The following EML6 variants were observed in gnomAD, a reference collection of about 807,000 sequenced individuals.
EML6 encodes echinoderm microtubule-associated protein-like 6.
Under a neutral mutation model 240.1 loss-of-function variants are expected in EML6, and 154 were observed. The ratio of observed to expected loss-of-function variants is 0.64; its 90% confidence interval spans 0.56 to 0.73. The LOEUF (loss-of-function observed/expected upper bound fraction) is 0.73, where lower values mean the gene tolerates loss of function less well. Ranked by LOEUF, EML6 falls within the 30% of genes least tolerant of loss-of-function variation. EML6 has a pLI of 0.00. For synonymous variants in EML6, 1,148 were observed against 899.0 expected (o/e 1.28, Z -4.95); for missense variants, 2,964 against 2,474.6 (o/e 1.20, Z -4.20).
intron 6 of EML6, among the ~76,000 whole-genome samples, 185 bp from the exon 7 acceptor site, chr2:54,829,157 T>A (rs990303942): frequency 6.6e-6 from 1 of 152,224 alleles, no homozygotes; most frequent in Admixed American, 6.5e-5. Context: ...TATGATTTTT[T>A]AAATGTAGCT....
chr2:54,939,498 C>T (rs148948868), intron 28 of EML6, among the ~76,000 whole-genome samples: 13 of 152,312 alleles, frequency 8.5e-5, no homozygotes, highest in Admixed American at 1.3e-4. Flanking sequence ...TCCCCATGGA[C>T]GAGGACTCAT....
chr2:54,764,842 A>G (rs781730988), intron 2 of EML6, among the ~76,000 whole-genome samples: 1 of 152,038 alleles, frequency 6.6e-6, no homozygotes, highest in Non-Finnish European at 1.5e-5. Context: ...TTCCTATTTA[A>G]CCTCTTCTAT....
intron 3 of EML6, among the ~76,000 whole-genome samples, chr2:54,814,549 A>C (rs915936525): frequency 9.9e-5 from 15 of 151,706 alleles, no homozygotes; most frequent in African/African-American, 3.6e-4. Flanking sequence ...TGTCTCTCTC[A>C]CCCTGCGTGT....
At chr2:54,754,560 A>G (rs377474413) in intron 2 of EML6, among the ~76,000 whole-genome samples, 2 of 152,070 alleles carry the variant, frequency 1.3e-5, no homozygotes, top group African/African-American at 4.8e-5. Context: ...GATATATATG[A>G]GTTATTTATA....
rs377253510 is a variant in EML6, at chr2:54,910,939, G to A, written c.3410-15G>A. The A allele has an allele frequency of 8.2e-5, 118 of 1,434,526 alleles. No individual in the cohort carries two copies. Among genetic ancestry groups the A allele is most frequent in the Non-Finnish European group, 1.0e-4 (108 of 1,046,078 alleles). 88.9% of individuals were successfully genotyped at this position (1,434,526 alleles called of 1,614,324 possible). On this transcript the variant is annotated splice_polypyrimidine_tract_variant and intron_variant, in intron 24 of 41. Coordinates refer to ENST00000356458, the MANE Select transcript of EML6 (RefSeq NM_001039753.4). Reference sequence around the variant, plus strand: ...CAGATTTTAATTATCTCTCTACTTCGTTCTGTCGTAACAGGAAAATTATTG... The same window carrying A: ...CAGATTTTAATTATCTCTCTACTTCATTCTGTCGTAACAGGAAAATTATTG...
chr2:54,916,738 T>TTC (rs1373070040), intron 25 of EML6, 21 bp from the exon 26 acceptor site: 2 of 1,471,870 alleles, frequency 1.4e-6, no homozygotes, highest in African/African-American at 2.8e-5. Flanking sequence ...AAAAATATCA[T>TTC]TCTCTTTCGT....
At chr2:54,907,925 TAGATAGATAGATAGATAGATA>T in intron 24 of EML6, among the ~76,000 whole-genome samples, 2 of 51,560 alleles carry the variant, frequency 3.9e-5, no homozygotes, top group African/African-American at 1.4e-4. Flanking sequence ...GATAGATAGA[TAGATAGATAGATAGATAGATA>T]AGATAGATAG....
At chr2:54,864,201 G>A (rs1269884057) in intron 13 of EML6, among the ~76,000 whole-genome samples, 1 of 152,130 alleles carries the variant, frequency 6.6e-6, no homozygotes, top group Non-Finnish European at 1.5e-5. Context: ...GTAAGCCATA[G>A]GTCTTTTTTC....
intron 7 of EML6, among the ~76,000 whole-genome samples, chr2:54,833,370 C>T (rs1668974541): frequency 6.6e-6 from 1 of 152,134 alleles, no homozygotes; most frequent in Non-Finnish European, 1.5e-5. Flanking sequence ...AACTGTTAGC[C>T]ATCAAGAAAG....
rs577578201 is a variant in EML6 at position 54,829,350 on chromosome 2, C to T, written c.720C>T (p.Ile240=). 6.4e-6 allele frequency: 10 copies of T among 1,551,642 alleles called. No individual in the cohort carries two copies. In the East Asian group the frequency reaches 2.2e-4, roughly 34 times the overall value. The change falls in exon 7 of 42, where the codon ATC becomes ATT. Residue 240 remains isoleucine (I), a synonymous_variant. Transcript: ENST00000356458. ...CCTGTTTTAATCAACAGGCTGGAATCTTTAGCATGTATGCTTGTGAAGAAG... is the reference window on the plus strand; with the variant it reads ...CCTGTTTTAATCAACAGGCTGGAATTTTTAGCATGTATGCTTGTGAAGAAG... ...RTIQGAHSAG[I]FSMYACEEGF...
At chr2:54,882,909 G>T (rs1179227842) in intron 17 of EML6, 1 of 143,640 alleles carries the variant, frequency 7.0e-6, no homozygotes, top group East Asian at 2.0e-4. Context: ...TATGCATATG[G>T]CAGGCGTATC....
At chr2:54,754,130 G>A (rs1391751281) in intron 2 of EML6, among the ~76,000 whole-genome samples, 10 of 149,796 alleles carry the variant, frequency 6.7e-5, no homozygotes, top group East Asian at 2.0e-4. Context: ...GCGAGACTCC[G>A]TCTCAAAAAA....
In EML6 at chr2:54,871,632, G is replaced by A. The variant is rs73938647; in HGVS notation, c.2344+27G>A. 9.1e-3 allele frequency: 13,248 copies of A among 1,458,846 alleles called. 838 individuals carry two copies. In the African/African-American group the frequency reaches 0.14, roughly 16 times the overall value. 90.4% of individuals were successfully genotyped at this position (1,458,846 alleles called of 1,614,324 possible). On this transcript the variant is annotated intron_variant, in intron 16 of 41. Transcript: ENST00000356458. ...TAAGGTCCAGAGTGATTGACACATG[G>A]TTCTACGTTGAGAGAGAGAGAGACA... is the stretch of plus-strand genomic sequence containing the variant.
chr2:54,868,807 A>G lies in EML6; in HGVS notation c.2052-374A>G, dbSNP rs117819529. 25 of 185,398 alleles carry G rather than the reference A, an allele frequency of 1.3e-4. No individual in the cohort carries two copies. The East Asian group carries it at 3.0e-3, about 22-fold the overall frequency. The allele number at this position is 185,398 out of a possible 1,614,324, so 11.5% of individuals were successfully genotyped here. A position where few individuals can be genotyped will look rare whatever the true frequency, so the allele number is the denominator to read the frequency against. ...TCCCGGAGTAATACAGTGTAATAGGATTCCAGATGGAGGAGAGGAATGGCT... is the reference window on the plus strand; with the variant it reads ...TCCCGGAGTAATACAGTGTAATAGGGTTCCAGATGGAGGAGAGGAATGGCT... On this transcript the variant is annotated intron_variant, in intron 14 of 41. Transcript: ENST00000356458.
chr2:54,951,716 C>T (rs1340007067), intron 30 of EML6, among the ~76,000 whole-genome samples: 1 of 140,392 alleles, frequency 7.1e-6, no homozygotes, highest in African/African-American at 2.7e-5. Context: ...AAAAAAAAAA[C>T]ACCTTTCATT....
intron 2 of EML6, among the ~76,000 whole-genome samples, chr2:54,759,049 G>C (rs898298123): frequency 2.0e-5 from 3 of 151,874 alleles, no homozygotes; most frequent in African/African-American, 4.8e-5. Flanking sequence ...ACACGACCCA[G>C]TATTCTTGTG....
At chr2:54,958,295 G>A (rs185148061) in intron 33 of EML6, among the ~76,000 whole-genome samples, 1,776 of 152,098 alleles carry the variant, frequency 0.012, 18 homozygotes, top group Middle Eastern at 0.034. Context: ...AGGCTCAAGC[G>A]ATTCTCCTGC....
intron 2 of EML6, among the ~76,000 whole-genome samples, chr2:54,802,663 C>CTAG (rs1670229606): frequency 6.9e-6 from 1 of 145,928 alleles, no homozygotes; most frequent in African/African-American, 2.7e-5. Flanking sequence ...ACTACTACTA[C>CTAG]TACTGCTACT....
chr2:54,747,460 A>G (rs1304296328), intron 2 of EML6: 1 of 152,228 alleles, frequency 6.6e-6, no homozygotes, highest in Non-Finnish European at 1.5e-5. Flanking sequence ...AGATCCTGAA[A>G]TTCAAAATAG....
Sources: gnomAD v4.1 joint callset for allele counts (sites outside exome capture counted in the v4.1 genomes callset) on GRCh38, gnomAD v4.1.1 for gene constraint, MANE v1.5 for transcripts, NCBI Gene and HGNC (gene_info 2026-07-23, HGNC 2026-07-21) for gene names.